DCPH1: variants seen among roughly 807,000 people sequenced by gnomAD.
The protein encoded by DCPH1 is damage-control phosphatase 1.
the DCPH1 span, among the ~76,000 whole-genome samples, chr6:151,457,830 T>C: frequency 1.8e-3 from 268 of 152,272 alleles, 2 homozygotes; most frequent in Middle Eastern, 6.8e-3. Context: ...TTCATTCTGA[T>C]CCCATTACAT....
At chr6:151,457,528 C>A in the DCPH1 span, among the ~76,000 whole-genome samples, 3 of 152,108 alleles carry the variant, frequency 2.0e-5, no homozygotes, top group African/African-American at 7.2e-5. Context: ...TTCTTTTCTT[C>A]TATTTCTGAA....
the DCPH1 span, chr6:151,452,703 G>A: frequency 9.0e-7 from 1 of 1,109,902 alleles, no homozygotes; most frequent in Admixed American, 2.8e-5. Context: ...TCCCGCCGCC[G>A]GGCGCGGCTT....
At chr6:151,457,912 C>T in the DCPH1 span, among the ~76,000 whole-genome samples, 1 of 152,066 alleles carries the variant, frequency 6.6e-6, no homozygotes, top group South Asian at 2.1e-4. Flanking sequence ...TATGTCATCT[C>T]TCACCTAGCT....
chr6:151,460,300 G>C, the DCPH1 span, among the ~76,000 whole-genome samples: 1,149 of 151,862 alleles, frequency 7.6e-3, 19 homozygotes, highest in African/African-American at 0.027. Flanking sequence ...TGTTGGCCAG[G>C]CTGGCCTTGA....
chr6:151,460,984 C>T, the DCPH1 span, among the ~76,000 whole-genome samples: 1 of 152,288 alleles, frequency 6.6e-6, no homozygotes, highest in Non-Finnish European at 1.5e-5. Context: ...AGATTTCTAA[C>T]ATGCCCAAGG....
At chr6:151,460,642 G>C in the DCPH1 span, among the ~76,000 whole-genome samples, 1 of 151,672 alleles carries the variant, frequency 6.6e-6, no homozygotes, top group Admixed American at 6.6e-5. Context: ...AAATTAGCTG[G>C]GCGCGGTGGT....
the DCPH1 span, chr6:151,468,644 G>T: frequency 6.2e-7 from 1 of 1,613,874 alleles, no homozygotes. Context: ...ACAATTCCAT[G>T]GTTTGTTTCT....
chr6:151,464,552 A>G, the DCPH1 span: 6 of 1,612,286 alleles, frequency 3.7e-6, no homozygotes, highest in Admixed American at 1.7e-5. Context: ...ACCTGCAACA[A>G]TTGATAAGAA....
the DCPH1 span, chr6:151,469,954 A>G: frequency 1.3e-5 from 2 of 152,168 alleles, no homozygotes; most frequent in Non-Finnish European, 2.9e-5. Context: ...GAATGAATTT[A>G]TTTTTTATAT....
chr6:151,456,489 G>C, the DCPH1 span, among the ~76,000 whole-genome samples: 1 of 152,170 alleles, frequency 6.6e-6, no homozygotes, highest in East Asian at 1.9e-4. Flanking sequence ...GCTTAATTTA[G>C]ACACTGACAA....
At chr6:151,457,748 C>T in the DCPH1 span, among the ~76,000 whole-genome samples, 1 of 120,552 alleles carries the variant, frequency 8.3e-6, no homozygotes, top group Non-Finnish European at 1.9e-5. Flanking sequence ...TCTTATTAGG[C>T]TTACATTTTC....
chr6:151,468,019 C>CA, the DCPH1 span, among the ~76,000 whole-genome samples: 3 of 152,242 alleles, frequency 2.0e-5, no homozygotes, highest in Admixed American at 6.5e-5. Flanking sequence ...AGCCTCTCTT[C>CA]ACACATCCGA....
At chr6:151,453,258 G>A in the DCPH1 span, among the ~76,000 whole-genome samples, 2 of 152,090 alleles carry the variant, frequency 1.3e-5, no homozygotes, top group Non-Finnish European at 2.9e-5. Context: ...TCAATTTTGC[G>A]CCCTAGGGCT....
At chr6:151,456,499 A>T in the DCPH1 span, among the ~76,000 whole-genome samples, 1 of 152,230 alleles carries the variant, frequency 6.6e-6, no homozygotes, top group Non-Finnish European at 1.5e-5. Context: ...GACACTGACA[A>T]TTATATTGCT....
At chr6:151,459,749 C>A in the DCPH1 span, among the ~76,000 whole-genome samples, 26 of 152,136 alleles carry the variant, frequency 1.7e-4, no homozygotes, top group Admixed American at 6.5e-4. Flanking sequence ...AAGATTACAC[C>A]ACCGCACTCC....
chr6:151,455,224 GC>G, the DCPH1 span, among the ~76,000 whole-genome samples: 1 of 152,212 alleles, frequency 6.6e-6, no homozygotes, highest in Admixed American at 6.5e-5. Flanking sequence ...GGGGTGGGTT[GC>G]CCCTCCACAC....
At chr6:151,461,789 T>C in the DCPH1 span, among the ~76,000 whole-genome samples, 1 of 152,310 alleles carries the variant, frequency 6.6e-6, no homozygotes, top group East Asian at 1.9e-4. Context: ...AGTGATGATA[T>C]CCACTGGTTC....
chr6:151,461,304 C>A, the DCPH1 span, among the ~76,000 whole-genome samples: 1 of 152,130 alleles, frequency 6.6e-6, no homozygotes, highest in East Asian at 1.9e-4. Context: ...ACTAAAAATA[C>A]CTAGAGCAGA....
the DCPH1 span, chr6:151,468,512 CT>C: frequency 6.2e-7 from 1 of 1,613,204 alleles, no homozygotes; most frequent in Non-Finnish European, 8.5e-7. Flanking sequence ...AGAGAAAAAG[CT>C]TCTGCTACTA....
Sources: gnomAD v4.1 joint callset for allele counts (sites outside exome capture counted in the v4.1 genomes callset) on GRCh38, gnomAD v4.1.1 for gene constraint, MANE v1.5 for transcripts, NCBI Gene and HGNC (gene_info 2026-07-23, HGNC 2026-07-21) for gene names.